CGNL1: variants seen among roughly 807,000 people sequenced by gnomAD.
CGNL1 encodes cingulin-like protein 1.
In CGNL1, 132 loss-of-function variants were observed where a neutral mutation model predicts 141.2. The ratio of observed to expected loss-of-function variants is 0.93; its 90% CI spans 0.81 to 1.08. CGNL1 has a LOEUF of 1.08. Among genes scored for constraint, CGNL1 ranks in the 50% least tolerant of loss-of-function variants. The pLI, the probability that CGNL1 is intolerant of heterozygous loss-of-function variation, is 0.00. For synonymous variants in CGNL1, 690 were observed against 622.1 expected (o/e 1.11, Z -1.63); for missense variants, 1,870 against 1,588.6 (o/e 1.18, Z -3.01).
At position 57,407,535 on chromosome 15, in the gene CGNL1, G is replaced by C. The variant is rs572365249; in HGVS notation, c.-15-30450G>C. ...AAAAAAAATTTAAAAATAACCGGGCGTGGTGTGCATGCTTGTGGTCCCAGC... is the reference window on the plus strand; with the variant it reads ...AAAAAAAATTTAAAAATAACCGGGCCTGGTGTGCATGCTTGTGGTCCCAGC... On this transcript the variant is annotated intron_variant, in intron 1 of 18. Transcript: ENST00000281282. 4.6e-5 allele frequency among the ~76,000 whole-genome samples: 7 copies of C among 151,976 alleles called. No individual in the cohort carries two copies. The South Asian group carries it at 1.5e-3, about 32-fold the overall frequency.
chr15:57,379,220 CTG>C (rs2062399887), intron 1 of CGNL1, among the ~76,000 whole-genome samples: 1 of 152,138 alleles, frequency 6.6e-6, no homozygotes, highest in African/African-American at 2.4e-5. Flanking sequence ...AATAGTTACA[CTG>C]TGAATATAAT....
Position 57,544,459 on chromosome 15 carries a change from C to G in CGNL1, c.3376-14C>G, listed in dbSNP as rs1167248123. 1 of 1,613,992 alleles carries G rather than the reference C, an allele frequency of 6.2e-7. No individual in the cohort carries two copies. The highest frequency in any genetic ancestry group is 1.1e-5 in the South Asian group (1 of 91,014). On this transcript the variant is annotated splice_polypyrimidine_tract_variant and intron_variant, in intron 15 of 18. Transcript: ENST00000281282. ...AGACACATAGCCCCTCACAGTCTCC[C>G]TGTGTTGTTCCAGAACAAGGACTTA... is the stretch of plus-strand genomic sequence containing the variant.
chr15:57,419,206 G>A (rs2152280241), intron 1 of CGNL1, among the ~76,000 whole-genome samples: 1 of 152,098 alleles, frequency 6.6e-6, no homozygotes, highest in East Asian at 1.9e-4. Flanking sequence ...CTGACAGTAA[G>A]GCGTGAGCCA....
intron 1 of CGNL1, among the ~76,000 whole-genome samples, chr15:57,394,523 T>G (rs2062581454): frequency 6.6e-6 from 1 of 152,110 alleles, no homozygotes; most frequent in Non-Finnish European, 1.5e-5. Flanking sequence ...AACTAGTAAA[T>G]GGTGGGGGTA....
At chr15:57,400,621 G>T (rs1422315125) in intron 1 of CGNL1, among the ~76,000 whole-genome samples, 1 of 152,104 alleles carries the variant, frequency 6.6e-6, no homozygotes. Context: ...GGTGGCTCAT[G>T]CCTGTAATCT....
chr15:57,522,992 T>C (rs1413020450), intron 10 of CGNL1, among the ~76,000 whole-genome samples: 2 of 152,368 alleles, frequency 1.3e-5, no homozygotes, highest in East Asian at 3.8e-4. Context: ...CAAATGGACC[T>C]TTGTTCTGTG....
chr15:57,452,112 C>A (rs749128628), intron 5 of CGNL1, 29 bp from the exon 6 acceptor site: 1 of 1,601,202 alleles, frequency 6.2e-7, no homozygotes, highest in South Asian at 1.1e-5. Flanking sequence ...ACAGTGGAGG[C>A]TCTTTAAAAT....
intron 14 of CGNL1, among the ~76,000 whole-genome samples, chr15:57,533,397 G>A (rs2032066361): frequency 6.6e-6 from 1 of 152,150 alleles, no homozygotes; most frequent in Admixed American, 6.6e-5. Flanking sequence ...TTCTCTCACT[G>A]GAATAAAAGC....
intron 7 of CGNL1, among the ~76,000 whole-genome samples, chr15:57,461,332 A>G (rs10047999): frequency 0.11 from 17,003 of 152,216 alleles, 1,498 homozygotes; most frequent in East Asian, 0.31. Flanking sequence ...AACAGCACAC[A>G]CAGGGCAAGA....
At chr15:57,481,459 C>T (rs1006604262) in intron 8 of CGNL1, among the ~76,000 whole-genome samples, 1 of 152,102 alleles carries the variant, frequency 6.6e-6, no homozygotes, top group Non-Finnish European at 1.5e-5. Context: ...TTGGAATTGG[C>T]TTTTTTCTCT....
At chr15:57,479,230 A>G (rs1191391453) in intron 8 of CGNL1, among the ~76,000 whole-genome samples, 1 of 152,160 alleles carries the variant, frequency 6.6e-6, no homozygotes, top group Non-Finnish European at 1.5e-5. Context: ...AGGCAGTTGG[A>G]CCAAGGTGAG....
intron 10 of CGNL1, among the ~76,000 whole-genome samples, chr15:57,518,862 G>C (rs1241293087): frequency 6.6e-6 from 1 of 152,226 alleles, no homozygotes; most frequent in South Asian, 2.1e-4. Flanking sequence ...CCGTTTAGAC[G>C]TTAAAGAGCT....
At position 57,523,492 on chromosome 15, in the gene CGNL1, A is replaced by G; in HGVS notation, c.2719A>G (p.Asn907Asp). Residue 907 changes from asparagine (N) to aspartate (D), a missense_variant, in exon 11 of 19, where the codon AAT (asparagine) becomes GAT (aspartate). Transcript: ENST00000281282. ...LENELEAAQG[N>D]LSQTTQEQKQ... The stretch of plus-strand genomic sequence containing the variant: ...GTCCTTTCCCTGCCATTTGCAGGGA[A>G]ATCTGAGTCAGACTACCCAGGAGCA... The G allele has an allele frequency of 6.2e-7, 1 of 1,614,166 alleles. No individual in the cohort carries two copies. The highest frequency in any genetic ancestry group is 8.5e-7 in the Non-Finnish European group (1 of 1,180,026).
chr15:57,431,427 G>A (rs563935723), intron 1 of CGNL1, among the ~76,000 whole-genome samples: 14 of 152,320 alleles, frequency 9.2e-5, no homozygotes, highest in African/African-American at 2.6e-4. Flanking sequence ...CTCAGTTTAG[G>A]TAAGGCTGCC....
At chr15:57,395,033 C>G (rs1353726478) in intron 1 of CGNL1, among the ~76,000 whole-genome samples, 4 of 152,218 alleles carry the variant, frequency 2.6e-5, no homozygotes, top group Non-Finnish European at 5.9e-5. Context: ...ACTGCTTGAA[C>G]CTGGGAGGCG....
chr15:57,533,837 A>G (rs895457268), intron 14 of CGNL1, among the ~76,000 whole-genome samples: 6 of 152,180 alleles, frequency 3.9e-5, no homozygotes, highest in Admixed American at 2.0e-4. Flanking sequence ...CAAGAACTTG[A>G]TGTCAGTTTA....
chr15:57,410,446 G>A (rs2062773614), intron 1 of CGNL1, among the ~76,000 whole-genome samples: 1 of 152,132 alleles, frequency 6.6e-6, no homozygotes, highest in Admixed American at 6.5e-5. Context: ...TTGATCCCTG[G>A]GGCTGACTGC....
rs763718389 is a variant in CGNL1 at position 57,461,781 on chromosome 15, G to GGGAGCCCTGAAA, written c.2294_2305dup (p.Gly765_Lys768dup). The GGGAGCCCTGAAA allele has an allele frequency of 1.2e-6, 2 of 1,614,136 alleles. No homozygotes were observed. Among genetic ancestry groups the GGGAGCCCTGAAA allele is most frequent in the African/African-American group, 2.7e-5 (2 of 75,050 alleles). On this transcript the variant is annotated inframe_insertion, in exon 8 of 19. Coordinates refer to ENST00000281282, the MANE Select transcript of CGNL1 (RefSeq NM_032866.5). ...GAGAGCGTGAACTCACCGCCCTGAAGGGAGCCCTGAAAGAAGAGGTTTCCA... is the reference window on the plus strand; with the variant it reads ...GAGAGCGTGAACTCACCGCCCTGAAGGGAGCCCTGAAAGGAGCCCTGAAAGAAGAGGTTTCCA...
At position 57,439,581 on chromosome 15, in the gene CGNL1, C is replaced by T; in HGVS notation, c.1582C>T (p.Pro528Ser). 1 of 1,613,364 alleles carries T rather than the reference C, an allele frequency of 6.2e-7. No individual in the cohort carries two copies. Among genetic ancestry groups the T allele is most frequent in the Non-Finnish European group, 8.5e-7 (1 of 1,179,980 alleles). Residue 528 changes from proline (P) to serine (S), a missense_variant, in exon 2 of 19, where the codon CCT becomes TCT. Pro to Ser is a moderately conservative substitution (Grantham distance 74). Coordinates refer to ENST00000281282, the MANE Select transcript of CGNL1 (RefSeq NM_032866.5). ...CAAGAAAATTTCCGTGAAGACATTT[C>T]CTTCGGCCTCAAATACTCAGGTAAC... ...GAKKISVKTF[P>S]SASNTQATPD...
Sources: allele counts gnomAD v4.1 joint callset (sites outside exome capture counted in the v4.1 genomes callset), GRCh38; gene constraint gnomAD v4.1.1; transcripts MANE v1.5; gene names NCBI Gene and HGNC (gene_info 2026-07-23, HGNC 2026-07-21).